CCSER1: variants seen among roughly 807,000 people sequenced by gnomAD.
CCSER1 encodes coiled-coil serine rich protein 1.
Under a neutral mutation model 82.0 loss-of-function variants are expected in CCSER1, and 41 were observed. The ratio of observed to expected loss-of-function variants is 0.50; its 90% CI spans 0.39 to 0.65. The LOEUF is 0.65. CCSER1 is among the 30% of genes least tolerant of loss of function. The pLI, the probability that CCSER1 is intolerant of heterozygous loss-of-function variation, is 0.00. For missense variants in CCSER1, 1,119 were observed against 1,064.2 expected (o/e 1.05, Z -0.72); for synonymous variants, 414 against 383.9 (o/e 1.08, Z -0.92).
At chr4:91,473,226 T>G (rs140662690) in intron 10 of CCSER1, among the ~76,000 whole-genome samples, 1 of 152,272 alleles carries the variant, frequency 6.6e-6, no homozygotes, top group Non-Finnish European at 1.5e-5. Flanking sequence ...TGGAAAAAGA[T>G]AACATAAAAG....
At chr4:90,162,202 C>A (rs1220958256) in intron 1 of CCSER1, among the ~76,000 whole-genome samples, 1 of 152,082 alleles carries the variant, frequency 6.6e-6, no homozygotes, top group African/African-American at 2.4e-5. Context: ...GACTATTACC[C>A]ATTTCCTTCT....
chr4:91,574,383 A>G (rs1763339044), intron 10 of CCSER1, among the ~76,000 whole-genome samples: 1 of 152,128 alleles, frequency 6.6e-6, no homozygotes, highest in Non-Finnish European at 1.5e-5. Context: ...TGACCCAGCA[A>G]TCCCATTACT....
chr4:91,113,222 A>G (rs1299944358), intron 10 of CCSER1, among the ~76,000 whole-genome samples: 6 of 152,196 alleles, frequency 3.9e-5, no homozygotes, highest in Non-Finnish European at 1.5e-5. Flanking sequence ...TGTTTATTAA[A>G]CATTTGTTGA....
At chr4:90,910,542 T>C (rs1726177763) in intron 8 of CCSER1, among the ~76,000 whole-genome samples, 2 of 152,208 alleles carry the variant, frequency 1.3e-5, no homozygotes, top group Admixed American at 1.3e-4. Flanking sequence ...AAATATAAAG[T>C]ATACTGTTTA....
At chr4:90,822,158 G>A (rs1759814713) in intron 8 of CCSER1, among the ~76,000 whole-genome samples, 1 of 152,180 alleles carries the variant, frequency 6.6e-6, no homozygotes, top group African/African-American at 2.4e-5. Flanking sequence ...CTATGACCGT[G>A]AAGAGAAGAA....
At chr4:90,477,650 T>A (rs1260498651) in intron 5 of CCSER1, among the ~76,000 whole-genome samples, 1 of 152,062 alleles carries the variant, frequency 6.6e-6, no homozygotes, top group Non-Finnish European at 1.5e-5. Context: ...TTTTTTCCTC[T>A]GGTATATTAA....
intron 3 of CCSER1, among the ~76,000 whole-genome samples, chr4:90,391,471 TATATATATATATATAC>T (rs1438958720): frequency 1.6e-3 from 150 of 91,330 alleles, no homozygotes; most frequent in African/African-American, 8.9e-3. Flanking sequence ...TATATATATA[TATATATATATATATAC>T]ACACACACAG....
intron 9 of CCSER1, among the ~76,000 whole-genome samples, chr4:91,057,747 G>C (rs1291478643): frequency 6.6e-6 from 1 of 152,086 alleles, no homozygotes; most frequent in Non-Finnish European, 1.5e-5. Flanking sequence ...ATCAGTATGA[G>C]AGTGGTTATA....
intron 10 of CCSER1, among the ~76,000 whole-genome samples, chr4:91,174,796 A>T (rs1275778355): frequency 6.8e-6 from 1 of 147,710 alleles, no homozygotes; most frequent in Admixed American, 6.9e-5. Context: ...CCTAGGCCCC[A>T]TGCTAGTTTT....
intron 10 of CCSER1, among the ~76,000 whole-genome samples, chr4:91,546,808 A>C (rs966496082): frequency 1.3e-5 from 2 of 151,750 alleles, no homozygotes; most frequent in African/African-American, 4.8e-5. Flanking sequence ...TTTCTTGTGG[A>C]TATTTACATG....
intron 5 of CCSER1, among the ~76,000 whole-genome samples, chr4:90,579,912 G>T (rs937872342): frequency 6.6e-6 from 1 of 151,848 alleles, no homozygotes; most frequent in African/African-American, 2.4e-5. Context: ...TCTATAAACT[G>T]AATTATTATG....
chr4:90,832,748 A>G (rs1203372824), intron 8 of CCSER1, among the ~76,000 whole-genome samples: 1 of 152,162 alleles, frequency 6.6e-6, no homozygotes, highest in Admixed American at 6.5e-5. Flanking sequence ...CACTTTATAG[A>G]TTTGTCCTTC....
chr4:91,247,105 T>C (rs531162033), intron 10 of CCSER1, among the ~76,000 whole-genome samples: 28 of 151,836 alleles, frequency 1.8e-4, no homozygotes, highest in Non-Finnish European at 3.5e-4. Context: ...ATCAAGACTA[T>C]CCTGGCTAAC....
rs116530623 is a variant in CCSER1 at position 90,536,323 on chromosome 4, C to T, written c.1724+67969C>T. On this transcript the variant is annotated intron_variant, in intron 5 of 10. Coordinates refer to ENST00000509176, the MANE Select transcript of CCSER1 (RefSeq NM_001145065.2). Reference sequence around the variant, plus strand: ...TGTTGGGATTACAGGCGTGAGCCACCGTGGCCAGCCTAATATTCCATTTTT... The same window carrying T: ...TGTTGGGATTACAGGCGTGAGCCACTGTGGCCAGCCTAATATTCCATTTTT... 9.7e-3 allele frequency among the ~76,000 whole-genome samples: 1,483 copies of T among 152,212 alleles called. 25 individuals are homozygous for T. Among genetic ancestry groups the T allele is most frequent in the African/African-American group, 0.034 (1,407 of 41,510 alleles).
intron 5 of CCSER1, among the ~76,000 whole-genome samples, chr4:90,544,847 G>A (rs896228283): frequency 6.6e-6 from 1 of 152,080 alleles, no homozygotes; most frequent in Non-Finnish European, 1.5e-5. Flanking sequence ...GAATTTGGGC[G>A]ATGTTAAATT....
intron 1 of CCSER1, among the ~76,000 whole-genome samples, chr4:90,230,942 TA>T (rs1378243255): frequency 6.6e-6 from 1 of 152,172 alleles, no homozygotes; most frequent in African/African-American, 2.4e-5. Flanking sequence ...AATCTCTGAA[TA>T]GACCAATAAC....
At chr4:90,796,985 G>A (rs575309555) in intron 7 of CCSER1, among the ~76,000 whole-genome samples, 1 of 152,128 alleles carries the variant, frequency 6.6e-6, no homozygotes, top group African/African-American at 2.4e-5. Context: ...GGAAAGTTCT[G>A]TAGATGTCTA....
chr4:90,483,492 T>A (rs1358512280), intron 5 of CCSER1, among the ~76,000 whole-genome samples: 1 of 152,186 alleles, frequency 6.6e-6, no homozygotes, highest in African/African-American at 2.4e-5. Context: ...ATTTAGCATG[T>A]TTTTGCAGTG....
chr4:91,047,904 T>G (rs1742654189), intron 9 of CCSER1, among the ~76,000 whole-genome samples: 1 of 152,136 alleles, frequency 6.6e-6, no homozygotes, highest in Non-Finnish European at 1.5e-5. Flanking sequence ...TCAATTAATC[T>G]AAATCATACT....
Sources: allele counts gnomAD v4.1 joint callset (sites outside exome capture counted in the v4.1 genomes callset), GRCh38; gene constraint gnomAD v4.1.1; transcripts MANE v1.5; gene names NCBI Gene and HGNC (gene_info 2026-07-23, HGNC 2026-07-21).